Variants in LRIF1 observed in about 807,000 individuals in gnomAD.
The protein encoded by LRIF1 is ligand-dependent nuclear receptor-interacting factor 1.
Under a neutral mutation model 52.7 loss-of-function variants are expected in LRIF1, and 32 were observed. The observed-to-expected ratio is 0.61, with a 90% confidence interval of 0.46 to 0.82. The LOEUF (loss-of-function observed/expected upper bound fraction) is 0.82, where lower values mean the gene tolerates loss of function less well. LRIF1 is among the 40% of genes least tolerant of loss of function. The pLI is 0.00. For synonymous variants in LRIF1, 323 were observed against 317.4 expected (o/e 1.02, Z -0.19); for missense variants, 887 against 892.0 (o/e 0.99, Z 0.07).
intron 3 of LRIF1, among the ~76,000 whole-genome samples, 182 bp downstream of exon 3, chr1:110,949,669 C>A (rs1377601582): frequency 6.6e-6 from 1 of 152,202 alleles, no homozygotes; most frequent in African/African-American, 2.4e-5. Context: ...ATCCACCCGC[C>A]TCAGCCTTCC....
chr1:110,952,540 G>T lies in LRIF1; in HGVS notation c.344C>A (p.Ser115Ter). Reference protein sequence around the residue: ...NYFLTRTVDTSEKGRVTSVGT... With the variant: ...NYFLTRTVDT ...CACAGAAGTAACTCTACCTTTTTCT[G>T]ATGTATCTACTGTTCTTGTAAGAAA... is the stretch of plus-strand genomic sequence containing the variant. The change falls in exon 2 of 4, where the codon TCA becomes TAA. Residue 115 changes from serine to a stop codon, truncating the protein, a stop_gained. Coordinates refer to ENST00000369763, the MANE Select transcript of LRIF1 (RefSeq NM_018372.4). LOFTEE classifies it high-confidence loss of function. 1 of 1,613,942 alleles carries T rather than the reference G, an allele frequency of 6.2e-7. No individual in the cohort carries two copies. The highest frequency in any genetic ancestry group is 8.5e-7 in the Non-Finnish European group (1 of 1,179,858).
the LRIF1 span, among the ~76,000 whole-genome samples, chr1:110,879,788 A>G: frequency 6.6e-6 from 1 of 152,084 alleles, no homozygotes; most frequent in East Asian, 1.9e-4. Context: ...GGCTGGTCTT[A>G]AACTCCTAGG....
At chr1:110,935,646 C>T in the LRIF1 span, among the ~76,000 whole-genome samples, 1 of 151,918 alleles carries the variant, frequency 6.6e-6, no homozygotes, top group Non-Finnish European at 1.5e-5. Context: ...TTTGAAAATA[C>T]AGTCAGAGGA....
At chr1:110,901,063 G>C in the LRIF1 span, among the ~76,000 whole-genome samples, 1 of 152,020 alleles carries the variant, frequency 6.6e-6, no homozygotes, top group Admixed American at 6.6e-5. Context: ...AAAAAAATTA[G>C]TATTTCAGTG....
the LRIF1 span, among the ~76,000 whole-genome samples, chr1:110,888,574 C>T: frequency 6.6e-6 from 1 of 151,906 alleles, no homozygotes; most frequent in African/African-American, 2.4e-5. Context: ...AAATCTGGTC[C>T]CTGTTAATCC....
At chr1:110,939,277 C>CTG in the LRIF1 span, 1 of 148,564 alleles carries the variant, frequency 6.7e-6, no homozygotes, top group Non-Finnish European at 1.5e-5. Flanking sequence ...ACTTGGGAGG[C>CTG]TGAGGCAGGA....
chr1:110,898,677 A>G, the LRIF1 span, among the ~76,000 whole-genome samples: 2 of 126,834 alleles, frequency 1.6e-5, no homozygotes, highest in Non-Finnish European at 3.3e-5. Context: ...AAGGACAAAA[A>G]TAATGTGATA....
chr1:110,897,625 T>A, the LRIF1 span: 1 of 484,416 alleles, frequency 2.1e-6, no homozygotes, highest in Non-Finnish European at 3.7e-6. Context: ...ACCAGAAAAG[T>A]CTGTAGTTTA....
the LRIF1 span, chr1:110,899,320 C>T: frequency 2.6e-5 from 17 of 650,326 alleles, no homozygotes; most frequent in Non-Finnish European, 3.8e-5. Flanking sequence ...TTTTAGGTCC[C>T]TGTCTTATAC....
the LRIF1 span, among the ~76,000 whole-genome samples, chr1:110,906,246 CATAAA>C: frequency 6.6e-6 from 1 of 152,032 alleles, no homozygotes; most frequent in African/African-American, 2.4e-5. Context: ...TTACCAGAAA[CATAAA>C]ATAAAAAAGA....
At chr1:110,936,679 AAAG>A in the LRIF1 span, 85 of 152,132 alleles carry the variant, frequency 5.6e-4, no homozygotes, top group Non-Finnish European at 1.1e-3. Flanking sequence ...AGGAGGAAAG[AAAG>A]AAGGAGGAGA....
rs1222546632 is a variant in LRIF1, at chr1:110,951,646, T to C, written c.1238A>G (p.Asn413Ser). The change falls in exon 2 of 4, where the codon AAT becomes AGT. Residue 413 changes from asparagine to serine, a missense_variant. Asn to Ser is a conservative substitution (Grantham distance 46). Coordinates refer to ENST00000369763, the MANE Select transcript of LRIF1 (RefSeq NM_018372.4). ...AGATTTACTTTTAGCCAAAACAATATTTACAACCTCTCTGGATATTTCTGT... is the reference window on the plus strand; with the variant it reads ...AGATTTACTTTTAGCCAAAACAATACTTACAACCTCTCTGGATATTTCTGT... Reference protein sequence around the residue: ...PVTEISREVVNIVLAKSKSSQ... With the variant: ...PVTEISREVVSIVLAKSKSSQ... The C allele has an allele frequency of 1.9e-6, 3 of 1,613,966 alleles. No homozygotes were observed. The highest frequency in any genetic ancestry group is 1.3e-5 in the African/African-American group (1 of 74,910).
the LRIF1 span, chr1:110,899,250 AT>A: frequency 4.8e-6 from 6 of 1,258,462 alleles, no homozygotes; most frequent in South Asian, 7.2e-5. Flanking sequence ...ATGCAAAACC[AT>A]TTATAGCATG....
rs548545660 is a variant in LRIF1 at position 110,952,973 on chromosome 1, AG to A, written c.69-159del. On this transcript the variant is annotated intron_variant, in intron 1 of 3. Transcript: ENST00000369763. ...AAAGACTGCAAAACAAATATTTTGA[AG>A]TAGAAGAGATAATGATATAGTCAAC... The A allele has an allele frequency of 2.9e-3, 937 of 320,364 alleles. 2 individuals are homozygous for A. Among genetic ancestry groups the A allele is most frequent in the Non-Finnish European group, 4.1e-3 (769 of 188,588 alleles). 19.8% of individuals were successfully genotyped at this position (320,364 alleles called of 1,614,324 possible). A position where few individuals can be genotyped will look rare whatever the true frequency, so the allele number is the denominator to read the frequency against.
At position 110,948,050 on chromosome 1, in the gene LRIF1, A is replaced by G. The variant is rs147565982; in HGVS notation, c.2219T>C (p.Ile740Thr). 4.3e-5 allele frequency: 69 copies of G among 1,613,706 alleles called. No homozygotes were observed. In the African/African-American group the frequency reaches 8.8e-4, roughly 21 times the overall value. Residue 740 changes from isoleucine (I) to threonine (T), a missense_variant, in exon 4 of 4, where the codon ATT (isoleucine) becomes ACT (threonine). Physicochemically the swap from Ile to Thr is moderately conservative, Grantham distance 89 (BLOSUM62 -1). Coordinates refer to ENST00000369763, the MANE Select transcript of LRIF1 (RefSeq NM_018372.4). ...PVTPPELEET[I>T]RDEKIRRLKQ... is the part of the protein sequence containing the mutation. Reference sequence around the variant, plus strand: ...AAGTCTTCTTATTTTTTCATCTCGAATGGTTTCTTCTAACTCCGGTGGTGT... The same window carrying G: ...AAGTCTTCTTATTTTTTCATCTCGAGTGGTTTCTTCTAACTCCGGTGGTGT...
chr1:110,932,164 G>A, the LRIF1 span, among the ~76,000 whole-genome samples: 9 of 152,130 alleles, frequency 5.9e-5, no homozygotes, highest in African/African-American at 1.9e-4. Flanking sequence ...TTTTGAATAC[G>A]GTGTAAGTAA....
Position 110,949,964 on chromosome 1 carries a change from G to A in LRIF1, c.1756C>T (p.Arg586Ter). 3.7e-6 allele frequency: 6 copies of A among 1,614,038 alleles called. No individual in the cohort carries two copies. The highest frequency in any genetic ancestry group is 5.1e-6 in the Non-Finnish European group (6 of 1,180,004). ...CCAGAGGTCAAATGGTCAGGAATTCGAGTAAGGCACACTCTCAAATCCTTA... is the reference window on the plus strand; with the variant it reads ...CCAGAGGTCAAATGGTCAGGAATTCAAGTAAGGCACACTCTCAAATCCTTA... Reference protein sequence around the residue: ...LTKDLRVCLTRIPDHLTSGEG... With the variant: ...LTKDLRVCLT The change falls in exon 3 of 4, where the codon CGA becomes TGA. Residue 586 changes from arginine to a stop codon, truncating the protein, a stop_gained. Coordinates refer to ENST00000369763, the MANE Select transcript of LRIF1 (RefSeq NM_018372.4). LOFTEE classifies it high-confidence loss of function.
At chr1:110,897,765 T>G in the LRIF1 span, 1 of 1,170,016 alleles carries the variant, frequency 8.5e-7, no homozygotes, top group South Asian at 1.3e-5. Flanking sequence ...CTTGATATGG[T>G]GGAATTATAG....
intron 1 of LRIF1, among the ~76,000 whole-genome samples, chr1:110,953,369 T>C (rs1658562608): frequency 1.3e-5 from 2 of 152,242 alleles, no homozygotes; most frequent in Non-Finnish European, 1.5e-5. Flanking sequence ...ACTGAACTGT[T>C]TACATAGGAA....
Sources: gnomAD v4.1 joint callset for allele counts (sites outside exome capture counted in the v4.1 genomes callset) on GRCh38, gnomAD v4.1.1 for gene constraint, MANE v1.5 for transcripts, NCBI Gene and HGNC (gene_info 2026-07-23, HGNC 2026-07-21) for gene names.